The following CENPU variants were observed in gnomAD, a reference collection of about 807,000 sequenced individuals.
The protein encoded by CENPU is KSHV latent nuclear antigen interacting protein 1.
A neutral mutation model predicts 56.7 loss-of-function variants in CENPU; 46 were observed. The observed-to-expected ratio is 0.81, with a 90% CI of 0.64 to 1.04. CENPU has a LOEUF of 1.04. Ranked by LOEUF, CENPU falls within the 50% of genes least tolerant of loss-of-function variation. The pLI is 0.00. For missense variants in CENPU, 510 were observed against 490.1 expected (o/e 1.04, Z -0.38); for synonymous variants, 166 against 163.0 (o/e 1.02, Z -0.14).
At chr4:184,703,662 G>A (rs1414830808) in intron 8 of CENPU, among the ~76,000 whole-genome samples, 1 of 152,098 alleles carries the variant, frequency 6.6e-6, no homozygotes. Context: ...CCTCTTCTAG[G>A]TACATACACA....
At chr4:184,702,908 C>G (rs1210281331) in intron 8 of CENPU, among the ~76,000 whole-genome samples, 7 of 152,108 alleles carry the variant, frequency 4.6e-5, no homozygotes, top group East Asian at 1.9e-4. Flanking sequence ...TGATTTTGTT[C>G]TTTTTTATAG....
intron 6 of CENPU, 63 bp from the exon 7 acceptor site, chr4:184,713,076 T>A: frequency 9.5e-7 from 1 of 1,052,022 alleles, no homozygotes; most frequent in Non-Finnish European, 1.4e-6. Flanking sequence ...ACATTAGGAT[T>A]AAGACTGTCA....
chr4:184,708,700 A>G (rs1760814962), intron 8 of CENPU, among the ~76,000 whole-genome samples: 1 of 152,232 alleles, frequency 6.6e-6, no homozygotes, highest in African/African-American at 2.4e-5. Context: ...ATATCCAGCT[A>G]AGCTGTCATT....
chr4:184,729,730 G>T (rs528694811), intron 2 of CENPU, among the ~76,000 whole-genome samples: 30 of 152,250 alleles, frequency 2.0e-4, no homozygotes, highest in Admixed American at 9.8e-4. Context: ...ACAGTTTTAA[G>T]GGTACACATG....
At chr4:184,727,560 T>G (rs7678616) in intron 3 of CENPU, among the ~76,000 whole-genome samples, 27,109 of 152,146 alleles carry the variant, frequency 0.18, 2,718 homozygotes, top group African/African-American at 0.26. Context: ...TATACTGCCA[T>G]GGAATTGTAA....
At chr4:184,726,889 C>T (rs1424844869) in intron 3 of CENPU, among the ~76,000 whole-genome samples, 2 of 148,498 alleles carry the variant, frequency 1.3e-5, no homozygotes, top group East Asian at 3.9e-4. Context: ...AAGGGTTCAA[C>T]ACCAGCCTGG....
At position 184,694,297 on chromosome 4, in the gene CENPU, A is replaced by G; in HGVS notation, c.*991T>C. On this transcript the variant is annotated 3_prime_UTR_variant, in exon 13 of 13. Transcript: ENST00000281453. ...AAGTATGTGCACAGAACTGTAGGTA[A>G]TTTCAAATTTGGAGTTTCAAGTGTG... 1 of 1,320,068 alleles carries G rather than the reference A, an allele frequency of 7.6e-7. No individual in the cohort carries two copies. The highest frequency in any genetic ancestry group is 9.7e-7 in the Non-Finnish European group (1 of 1,032,518). 81.8% of individuals were successfully genotyped at this position (1,320,068 alleles called of 1,614,324 possible).
chr4:184,696,395 G>C (rs1010361536), intron 12 of CENPU, among the ~76,000 whole-genome samples: 2 of 152,160 alleles, frequency 1.3e-5, no homozygotes, highest in African/African-American at 4.8e-5. Context: ...ACGCTCATCA[G>C]GTGGTGTGTT....
intron 8 of CENPU, among the ~76,000 whole-genome samples, chr4:184,709,482 T>C (rs1214901819): frequency 7.2e-6 from 1 of 138,554 alleles, no homozygotes; most frequent in Non-Finnish European, 1.5e-5. Flanking sequence ...AGAGACTCCA[T>C]CTCAAAAAAA....
At chr4:184,719,488 TAGC>T (rs536098084) in intron 4 of CENPU, among the ~76,000 whole-genome samples, 59 of 152,348 alleles carry the variant, frequency 3.9e-4, no homozygotes, top group Non-Finnish European at 8.5e-4. Flanking sequence ...TCGCCCATCT[TAGC>T]AGCAGGAGCT....
At chr4:184,708,862 T>C (rs1030331495) in intron 8 of CENPU, among the ~76,000 whole-genome samples, 1 of 152,144 alleles carries the variant, frequency 6.6e-6, no homozygotes, top group Non-Finnish European at 1.5e-5. Context: ...AGTGATCAAA[T>C]ACCTAAGTGA....
At position 184,731,687 on chromosome 4, in the gene CENPU, CAGG is replaced by C. The variant is rs369609796; in HGVS notation, c.48-722_48-720del. On this transcript the variant is annotated intron_variant, in intron 1 of 12. Coordinates refer to ENST00000281453, the MANE Select transcript of CENPU (RefSeq NM_024629.4). ...GTACAAGGGTACGGGGGGGATACTC[CAGG>C]AGAATACAGTACATAATTAGACTTT... Among the ~76,000 whole-genome samples the C allele has an allele frequency of 4.4e-3, 675 of 152,258 alleles. 8 individuals are homozygous for C. The highest frequency in any genetic ancestry group is 0.016 in the African/African-American group (650 of 41,552).
intron 7 of CENPU, among the ~76,000 whole-genome samples, 154 bp downstream of exon 7, chr4:184,712,789 GA>G (rs1383926226): frequency 6.6e-6 from 1 of 151,766 alleles, no homozygotes; most frequent in African/African-American, 2.4e-5. Flanking sequence ...CAAAACGTTA[GA>G]AAAAAATGTT....
At chr4:184,731,044 T>C in intron 1 of CENPU, 76 bp from the exon 2 acceptor site, 2 of 1,051,866 alleles carry the variant, frequency 1.9e-6, no homozygotes, top group Non-Finnish European at 2.7e-6. Context: ...TATGACCCTT[T>C]CCGCGCATTT....
chr4:184,695,626 C>T (rs1295919706), intron 12 of CENPU, among the ~76,000 whole-genome samples: 1 of 152,142 alleles, frequency 6.6e-6, no homozygotes, highest in African/African-American at 2.4e-5. Context: ...TTGAACTGAT[C>T]TTCTTATCCC....
At chr4:184,704,209 A>T (rs1760643210) in intron 8 of CENPU, among the ~76,000 whole-genome samples, 1 of 152,060 alleles carries the variant, frequency 6.6e-6, no homozygotes, top group South Asian at 2.1e-4. Flanking sequence ...CCTCCCGTGT[A>T]GCTGGGACTA....
In CENPU at chr4:184,710,189, TTAAGA is replaced by T. The variant is rs758899350; in HGVS notation, c.689-14_689-10del. The T allele has an allele frequency of 9.7e-6, 15 of 1,551,886 alleles. No individual in the cohort carries two copies. The Admixed American group carries it at 1.2e-4, about 12-fold the overall frequency. On this transcript the variant is annotated splice_polypyrimidine_tract_variant and intron_variant, in intron 7 of 12. Transcript: ENST00000281453. ...CACAATGTCAGAAGTATCTAAAATA[TTAAGA>T]TAAGTTAACATGCTGGTTATTCATA...
chr4:184,715,288 A>G (rs1208482464), intron 6 of CENPU, among the ~76,000 whole-genome samples: 1 of 152,208 alleles, frequency 6.6e-6, no homozygotes, highest in Admixed American at 6.5e-5. Flanking sequence ...AAAAGATATT[A>G]TATGTCAAGA....
intron 1 of CENPU, chr4:184,733,363 A>G: frequency 2.0e-6 from 2 of 987,718 alleles, no homozygotes; most frequent in Non-Finnish European, 2.4e-6. Context: ...GTCTTGGCGT[A>G]TGGCTTTGTG....
Sources: allele counts gnomAD v4.1 joint callset (sites outside exome capture counted in the v4.1 genomes callset), GRCh38; gene constraint gnomAD v4.1.1; transcripts MANE v1.5; gene names NCBI Gene and HGNC (gene_info 2026-07-23, HGNC 2026-07-21).